The following APBA2 variants were observed in gnomAD, a reference collection of about 807,000 sequenced individuals.
APBA2 encodes amyloid beta precursor protein binding family A member 2, also known as amyloid-beta A4 precursor protein-binding family A member 2.
A neutral mutation model predicts 75.0 loss-of-function variants in APBA2; 30 were observed. That is an observed-to-expected ratio of 0.40 (90% CI 0.30 to 0.54). The LOEUF is 0.54. Ranked by LOEUF, APBA2 falls within the 20% of genes least tolerant of loss-of-function variation. The pLI is 0.49. For missense variants in APBA2, 801 were observed against 1,016.1 expected (o/e 0.79, Z 2.88); for synonymous variants, 444 against 409.6 (o/e 1.08, Z -1.01).
intron 1 of APBA2, among the ~76,000 whole-genome samples, chr15:28,899,421 C>T (rs1260019890): frequency 6.6e-6 from 1 of 152,238 alleles, no homozygotes; most frequent in Non-Finnish European, 1.5e-5. Flanking sequence ...GAGAGAGACT[C>T]TTTGTCTGAC....
intron 14 of APBA2, among the ~76,000 whole-genome samples, chr15:29,114,570 G>A (rs538239455): frequency 2.0e-5 from 3 of 151,754 alleles, no homozygotes; most frequent in Non-Finnish European, 3.0e-5. Context: ...AGTGCGCAGC[G>A]GGTGTGCGTG....
At chr15:29,110,380 G>A (rs554275813) in intron 13 of APBA2, among the ~76,000 whole-genome samples, 100 of 152,308 alleles carry the variant, frequency 6.6e-4, no homozygotes, top group African/African-American at 2.3e-3. Context: ...TGGCACTGGG[G>A]AGCTGCTTGT....
chr15:29,113,057 GTT>G (rs2044824791), intron 13 of APBA2, among the ~76,000 whole-genome samples: 1 of 152,192 alleles, frequency 6.6e-6, no homozygotes, highest in African/African-American at 2.4e-5. Context: ...GCTGAGTACT[GTT>G]TCCCTGCAGG....
rs367663661 is a variant in APBA2 at position 29,105,328 on chromosome 15, C to T, written c.1525-51C>T. On this transcript the variant is annotated intron_variant, in intron 10 of 14. Coordinates refer to ENST00000683413, the MANE Select transcript of APBA2 (RefSeq NM_001353788.2). ...CCGCAGCCCCCTGCTGAGGAGGCTG[C>T]GGGGAGCCTGTGCCACGTGCCTGTC... 3.1e-4 allele frequency: 492 copies of T among 1,571,538 alleles called. 2 individuals carry two copies. In the African/African-American group the frequency reaches 4.7e-3, roughly 15 times the overall value.
intron 2 of APBA2, among the ~76,000 whole-genome samples, chr15:28,983,477 C>T (rs898449324): frequency 2.0e-5 from 3 of 152,202 alleles, no homozygotes; most frequent in Non-Finnish European, 1.5e-5. Context: ...TTTGCCAATA[C>T]ATTATTTTCT....
chr15:28,978,796 T>C (rs1351624277), intron 2 of APBA2, among the ~76,000 whole-genome samples: 4 of 152,210 alleles, frequency 2.6e-5, no homozygotes, highest in African/African-American at 9.7e-5. Flanking sequence ...GTTCCACAAC[T>C]TGAAATGCAG....
chr15:28,897,447 C>G (rs1039816920), intron 1 of APBA2, among the ~76,000 whole-genome samples: 2 of 151,816 alleles, frequency 1.3e-5, no homozygotes, highest in Admixed American at 6.6e-5. Flanking sequence ...GAAACCCTTT[C>G]TCTACTGAAA....
At chr15:28,912,543 G>A (rs148365206) in intron 1 of APBA2, among the ~76,000 whole-genome samples, 4 of 152,196 alleles carry the variant, frequency 2.6e-5, no homozygotes, top group Admixed American at 6.5e-5. Flanking sequence ...CAGGGTGAGC[G>A]CGGTTCAGGC....
chr15:28,910,734 C>T (rs151007230), intron 1 of APBA2, among the ~76,000 whole-genome samples: 2,571 of 152,262 alleles, frequency 0.017, 81 homozygotes, highest in African/African-American at 0.059. Context: ...TTTGGAAATC[C>T]TAAAAGGCAA....
intron 2 of APBA2, among the ~76,000 whole-genome samples, chr15:28,955,148 A>G (rs1005876422): frequency 3.3e-5 from 5 of 152,148 alleles, no homozygotes; most frequent in African/African-American, 1.2e-4. Context: ...CGTAAAAAAT[A>G]CATTTTACTT....
At chr15:29,031,005 T>C (rs1002391226) in intron 3 of APBA2, among the ~76,000 whole-genome samples, 3 of 152,202 alleles carry the variant, frequency 2.0e-5, no homozygotes, top group Non-Finnish European at 4.4e-5. Context: ...TAATGGGAAT[T>C]TTTCCTTTTA....
chr15:29,114,578 G>A (rs1186163593), intron 14 of APBA2, among the ~76,000 whole-genome samples: 1 of 135,572 alleles, frequency 7.4e-6, no homozygotes, highest in Non-Finnish European at 1.7e-5. Context: ...GCGGGTGTGC[G>A]TGTGTGTGTG....
chr15:28,968,977 A>G (rs1363300133), intron 2 of APBA2, among the ~76,000 whole-genome samples: 1 of 151,164 alleles, frequency 6.6e-6, no homozygotes, highest in Non-Finnish European at 1.5e-5. Context: ...ATGGTTGTCA[A>G]AAAGTCTTAA....
At chr15:28,892,513 A>G (rs747544719) in intron 1 of APBA2, among the ~76,000 whole-genome samples, 5 of 152,184 alleles carry the variant, frequency 3.3e-5, no homozygotes, top group Non-Finnish European at 7.3e-5. Context: ...CCTGTAACCT[A>G]TAGCCAAGGT....
chr15:28,965,600 T>C (rs2036698674), intron 2 of APBA2, among the ~76,000 whole-genome samples: 1 of 152,238 alleles, frequency 6.6e-6, no homozygotes, highest in South Asian at 2.1e-4. Context: ...TTCCAGTCCA[T>C]GAGTATGTCT....
chr15:28,962,583 G>A (rs1285475835), intron 2 of APBA2, among the ~76,000 whole-genome samples: 1 of 151,640 alleles, frequency 6.6e-6, no homozygotes, highest in Admixed American at 6.6e-5. Context: ...AATAATAATA[G>A]TAATAATAAT....
intron 11 of APBA2, 25 bp from the exon 12 acceptor site, chr15:29,106,582 T>C (rs773178128): frequency 1.9e-6 from 3 of 1,612,836 alleles, no homozygotes; most frequent in East Asian, 4.5e-5. Context: ...CGCCAGCCCC[T>C]CTCACACTGC....
At chr15:29,024,207 T>G (rs1036624401) in intron 3 of APBA2, among the ~76,000 whole-genome samples, 5 of 152,134 alleles carry the variant, frequency 3.3e-5, no homozygotes, top group African/African-American at 1.2e-4. Flanking sequence ...CCCGGCCTTT[T>G]TTGCTGAAGT....
At chr15:28,947,926 C>T (rs1244648289) in intron 2 of APBA2, among the ~76,000 whole-genome samples, 1 of 152,174 alleles carries the variant, frequency 6.6e-6, no homozygotes, top group Non-Finnish European at 1.5e-5. Flanking sequence ...ATAAATAAAG[C>T]AGCTTTTCAA....
Sources: gnomAD v4.1 joint callset for allele counts (sites outside exome capture counted in the v4.1 genomes callset) on GRCh38, gnomAD v4.1.1 for gene constraint, MANE v1.5 for transcripts, NCBI Gene and HGNC (gene_info 2026-07-23, HGNC 2026-07-21) for gene names.